The following OLFML2B variants were observed in gnomAD, a reference collection of about 807,000 sequenced individuals.
OLFML2B encodes the protein olfactomedin like 2B.
Under a neutral mutation model 74.9 loss-of-function variants are expected in OLFML2B, and 57 were observed. The observed-to-expected ratio is 0.76, with a 90% CI of 0.61 to 0.95. OLFML2B has a LOEUF of 0.95. OLFML2B is among the 40% of genes least tolerant of loss of function. OLFML2B has a pLI of 0.00. For synonymous variants in OLFML2B, 388 were observed against 405.8 expected (o/e 0.96, Z 0.53); for missense variants, 986 against 970.6 (o/e 1.02, Z -0.21).
At position 162,023,269 on chromosome 1, in the gene OLFML2B, G is replaced by A. The variant is rs781166815; in HGVS notation, c.162C>T (p.Asn54=). 1.9e-6 allele frequency: 3 copies of A among 1,546,358 alleles called. No homozygotes were observed. The highest frequency in any genetic ancestry group is 2.4e-5 in the East Asian group (1 of 42,230). The change falls in exon 1 of 8, where the codon AAC becomes AAT. Residue 54 remains asparagine (N), a synonymous_variant. Transcript: ENST00000294794. ...TLQNEADNQE[N]VLSQLLGDYD... ...CTCTGCATCCTACCTGAGATAAAACGTTCTCCTGGTTGTCCGCCTCGTTTT... is the reference window on the plus strand; with the variant it reads ...CTCTGCATCCTACCTGAGATAAAACATTCTCCTGGTTGTCCGCCTCGTTTT...
chr1:162,022,244 CTTTTTTTTTTTTT>C (rs56395023), intron 1 of OLFML2B, among the ~76,000 whole-genome samples: 1 of 70,738 alleles, frequency 1.4e-5, no homozygotes, highest in Non-Finnish European at 2.6e-5. Context: ...TGTATCTCTT[CTTTTTTTTTTTTT>C]TTTTTTTTTT....
chr1:162,015,527 G>A (rs922635501), intron 3 of OLFML2B, among the ~76,000 whole-genome samples: 3 of 152,190 alleles, frequency 2.0e-5, no homozygotes, highest in African/African-American at 4.8e-5. Context: ...GGTTGCTGTC[G>A]CTCCTGTTCC....
At position 162,020,022 on chromosome 1, in the gene OLFML2B, G is replaced by C. The variant is rs919118727; in HGVS notation, c.335C>G (p.Ser112Trp). 6.2e-7 allele frequency: 1 copy of C among 1,614,192 alleles called. No individual in the cohort carries two copies. The highest frequency in any genetic ancestry group is 8.5e-7 in the Non-Finnish European group (1 of 1,180,048). ...FYTVETITSG[S>W]SCKCACVAPP... ...TGCTACACAGGCACACTTGCACGAC[G>C]AGCCTGAGGTGATGGTTTCCACGGT... is the stretch of plus-strand genomic sequence containing the variant. The change falls in exon 2 of 8, where the codon TCG becomes TGG. Residue 112 changes from serine to tryptophan, a missense_variant. Coordinates refer to ENST00000294794, the MANE Select transcript of OLFML2B (RefSeq NM_015441.3).
intron 3 of OLFML2B, among the ~76,000 whole-genome samples, chr1:162,009,221 T>A (rs973907999): frequency 2.6e-5 from 4 of 152,196 alleles, no homozygotes; most frequent in Non-Finnish European, 5.9e-5. Context: ...ATGTGACAGA[T>A]GCACGCACTG....
intron 1 of OLFML2B, among the ~76,000 whole-genome samples, chr1:162,022,264 TTTTTGA>T (rs1382356207): frequency 1.4e-5 from 2 of 145,418 alleles, no homozygotes; most frequent in Non-Finnish European, 3.0e-5. Context: ...TTTTTTTTTT[TTTTTGA>T]GACGGAGTCT....
chr1:161,990,483 T>C (rs1689705278), intron 6 of OLFML2B, among the ~76,000 whole-genome samples: 2 of 152,258 alleles, frequency 1.3e-5, no homozygotes. Context: ...TATACTGCAG[T>C]CTATTAAGGG....
rs34123330 is a variant in OLFML2B, at chr1:161,998,204, G to A, written c.1095C>T (p.Asn365=). 632 of 1,614,054 alleles carry A rather than the reference G, an allele frequency of 3.9e-4. 3 individuals carry two copies. The African/African-American group carries it at 5.9e-3, about 15-fold the overall frequency. Residue 365 remains asparagine (N), a synonymous_variant, in exon 6 of 8, where the codon AAC becomes AAT. Transcript: ENST00000294794. ...CTGAGGACCAGGGTGCGGTCCGAGC[G>A]TTCAGGTCGCTTGTCACAGCAGTGC... ...GHSTAVTSDL[N]ARTAPWSSAL... is the part of the protein sequence containing the mutation.
intron 3 of OLFML2B, among the ~76,000 whole-genome samples, chr1:162,009,349 C>G (rs1354633553): frequency 1.3e-5 from 2 of 152,196 alleles, no homozygotes; most frequent in Admixed American, 6.5e-5. Flanking sequence ...GGTGGACTGA[C>G]TGGCTGGGCC....
intron 7 of OLFML2B, 43 bp from the exon 8 acceptor site, chr1:161,984,319 A>G (rs1386591616): frequency 6.6e-7 from 1 of 1,511,300 alleles, no homozygotes; most frequent in South Asian, 1.3e-5. Context: ...GTGGCATGGC[A>G]GAGGGTGGGC....
In OLFML2B at chr1:162,023,518, C is replaced by T. The variant is rs145740006; in HGVS notation, c.-88G>A. The T allele has an allele frequency of 3.6e-4, 476 of 1,311,530 alleles. 2 individuals are homozygous for T. The African/African-American group carries it at 6.0e-3, about 16-fold the overall frequency. The allele number at this position is 1,311,530 out of a possible 1,614,324, so 81.2% of individuals were successfully genotyped here. A position where few individuals can be genotyped will look rare whatever the true frequency, so the allele number is the denominator to read the frequency against. On this transcript the variant is annotated 5_prime_UTR_variant, in exon 1 of 8. Transcript: ENST00000294794. ...AAGGACTTCTGCGAGAGGGTGTCCT[C>T]GCTAGAGCCCGAAAGTGGCTGCTGA...
rs1340509940 is a variant in OLFML2B at position 162,022,622 on chromosome 1, A to C, written c.174+635T>G. 3.3e-5 allele frequency among the ~76,000 whole-genome samples: 5 copies of C among 152,156 alleles called. No homozygotes were observed. In the East Asian group the frequency reaches 9.6e-4, roughly 29 times the overall value. Reference sequence around the variant, plus strand: ...TTTTGAAGATTGAGTCAGAAAAAACAAGTTTAAGTACTTGGTAAACGGACA... The same window carrying C: ...TTTTGAAGATTGAGTCAGAAAAAACCAGTTTAAGTACTTGGTAAACGGACA... On this transcript the variant is annotated intron_variant, in intron 1 of 7. Coordinates refer to ENST00000294794, the MANE Select transcript of OLFML2B (RefSeq NM_015441.3).
intron 3 of OLFML2B, among the ~76,000 whole-genome samples, chr1:162,008,820 A>G (rs1444018297): frequency 6.6e-6 from 1 of 152,184 alleles, no homozygotes; most frequent in Non-Finnish European, 1.5e-5. Context: ...TGCTTGAAAA[A>G]CGGACAGAAA....
Position 161,984,212 on chromosome 1 carries a change from A to AT in OLFML2B, c.1715dup (p.Asn572LysfsTer32). 3 of 1,574,826 alleles carry AT rather than the reference A, an allele frequency of 1.9e-6. No individual in the cohort carries two copies. Among genetic ancestry groups the AT allele is most frequent in the Non-Finnish European group, 2.6e-6 (3 of 1,161,132 alleles). On this transcript the variant is annotated frameshift_variant, in exon 8 of 8. Coordinates refer to ENST00000294794, the MANE Select transcript of OLFML2B (RefSeq NM_015441.3). LOFTEE classifies it high-confidence loss of function. ...AGGCGCGATTGTAGTAGAAGGCGCC[A>AT]TTGTATACCACGTGGCCTGTGCCGA...
rs138821383 is a variant in OLFML2B, at chr1:162,019,988, C to T, written c.369G>A (p.Ser123=). ...AGTCTCCCTCGCAGGGATTGAGGGC[C>T]GATGGGGGTGCTACACAGGCACACT... ...SCKCACVAPP[S]ALNPCEGDFR... is the part of the protein sequence containing the mutation. Residue 123 remains serine (S), a synonymous_variant, in exon 2 of 8, where the codon TCG becomes TCA. Transcript: ENST00000294794. 2.7e-5 allele frequency: 43 copies of T among 1,614,138 alleles called. No individual in the cohort carries two copies. The highest frequency in any genetic ancestry group is 3.4e-5 in the Non-Finnish European group (40 of 1,180,006).
At chr1:162,005,902 C>CTAAAAAAAAAAA in intron 4 of OLFML2B, among the ~76,000 whole-genome samples, 1 of 77,904 alleles carries the variant, frequency 1.3e-5, no homozygotes, top group African/African-American at 3.4e-5. Context: ...TGGAACCTAT[C>CTAAAAAAAAAAA]AAAAAAAAAA....
rs1209368198 is a variant in OLFML2B at position 162,023,348 on chromosome 1, G to A, written c.83C>T (p.Thr28Ile). Reference protein sequence around the residue: ...AWVSSIVLTGTSEPPDAQTVA... With the variant: ...AWVSSIVLTGISEPPDAQTVA... ...TGTCTGCGCATCTGGGGGCTCGCTTGTCCCTGTGAGGACAATGCTGGACAC... is the reference window on the plus strand; with the variant it reads ...TGTCTGCGCATCTGGGGGCTCGCTTATCCCTGTGAGGACAATGCTGGACAC... Residue 28 changes from threonine to isoleucine, a missense_variant, in exon 1 of 8, where the codon ACA (threonine) becomes ATA (isoleucine). By Grantham distance (89) the Thr-to-Ile change is moderately conservative. Transcript: ENST00000294794. 6.2e-7 allele frequency: 1 copy of A among 1,608,088 alleles called. No homozygotes were observed. Among genetic ancestry groups the A allele is most frequent in the East Asian group, 2.3e-5 (1 of 44,394 alleles).
intron 6 of OLFML2B, among the ~76,000 whole-genome samples, chr1:161,989,677 G>A (rs867621239): frequency 2.6e-5 from 4 of 152,116 alleles, no homozygotes; most frequent in African/African-American, 9.7e-5. Flanking sequence ...TTTCACCCTC[G>A]AACTTGTATT....
chr1:161,993,479 A>C (rs1238831065), intron 6 of OLFML2B, among the ~76,000 whole-genome samples: 1 of 152,144 alleles, frequency 6.6e-6, no homozygotes, highest in Non-Finnish European at 1.5e-5. Flanking sequence ...TGCATCCCTG[A>C]CACCCACGGC....
intron 3 of OLFML2B, among the ~76,000 whole-genome samples, chr1:162,015,581 G>A: frequency 6.6e-6 from 1 of 152,212 alleles, no homozygotes; most frequent in South Asian, 2.1e-4. Context: ...TGCACATTTG[G>A]ATGGTTCTGG....
Sources: allele counts gnomAD v4.1 joint callset (sites outside exome capture counted in the v4.1 genomes callset), GRCh38; gene constraint gnomAD v4.1.1; transcripts MANE v1.5; gene names NCBI Gene and HGNC (gene_info 2026-07-23, HGNC 2026-07-21).